SYNPR: variants seen among roughly 807,000 people sequenced by gnomAD.
SYNPR encodes the protein synaptoporin.
A neutral mutation model predicts 32.9 loss-of-function variants in SYNPR; 23 were observed. The observed-to-expected ratio is 0.70, with a 90% confidence interval of 0.50 to 0.99. The LOEUF is 0.99. Ranked by LOEUF, SYNPR falls within the 50% of genes least tolerant of loss-of-function variation. The pLI is 0.00. For synonymous variants in SYNPR, 146 were observed against 135.9 expected, an observed-to-expected ratio of 1.07 and a Z score of -0.52; for missense variants, 318 against 349.3, an observed-to-expected ratio of 0.91 and a Z score of 0.71.
chr3:63,240,471 TG>T (rs1160889391), intron 1 of SYNPR, among the ~76,000 whole-genome samples: 2 of 152,062 alleles, frequency 1.3e-5, no homozygotes, highest in Non-Finnish European at 2.9e-5. Flanking sequence ...GCTCTTGCTA[TG>T]GGGGCCTCCG....
chr3:63,610,170 A>G (rs1317666854), intron 5 of SYNPR, among the ~76,000 whole-genome samples: 1 of 152,216 alleles, frequency 6.6e-6, no homozygotes, highest in African/African-American at 2.4e-5. Context: ...ATAACTTCGG[A>G]AAAGCTGCAC....
At chr3:63,407,338 A>G (rs979401984) in intron 2 of SYNPR, among the ~76,000 whole-genome samples, 2 of 152,230 alleles carry the variant, frequency 1.3e-5, no homozygotes, top group Non-Finnish European at 2.9e-5. Context: ...GTGAAGGATT[A>G]CATGAGTTAT....
At chr3:63,459,562 T>G (rs1254947234) in intron 2 of SYNPR, among the ~76,000 whole-genome samples, 2 of 152,186 alleles carry the variant, frequency 1.3e-5, no homozygotes, top group Non-Finnish European at 2.9e-5. Context: ...CACATCTTCA[T>G]TTTAGATTAT....
chr3:63,302,720 C>G (rs996008537), intron 2 of SYNPR, among the ~76,000 whole-genome samples: 3 of 151,926 alleles, frequency 2.0e-5, no homozygotes, highest in African/African-American at 7.2e-5. Flanking sequence ...GTTTGTTTCT[C>G]TAAAAATAAT....
intron 2 of SYNPR, among the ~76,000 whole-genome samples, chr3:63,353,161 G>A (rs1348990868): frequency 2.0e-5 from 3 of 152,224 alleles, no homozygotes; most frequent in Non-Finnish European, 2.9e-5. Context: ...TTAACACAGA[G>A]TTGCTTGGCA....
chr3:63,344,682 G>A (rs2087414131), intron 2 of SYNPR, among the ~76,000 whole-genome samples: 2 of 151,574 alleles, frequency 1.3e-5, no homozygotes, highest in Admixed American at 6.6e-5. Context: ...CACAGATAGA[G>A]TCGATTCATT....
chr3:63,443,309 T>C (rs1700214983), intron 2 of SYNPR: 1 of 1,489,844 alleles, frequency 6.7e-7, no homozygotes, highest in Non-Finnish European at 8.9e-7. Flanking sequence ...CTGCATTGAT[T>C]TTCTTCTTCT....
chr3:63,451,930 T>A lies in SYNPR; in HGVS notation c.85-28902T>A, dbSNP rs1700386400. 9.0e-6 allele frequency: 5 copies of A among 557,674 alleles called. No individual in the cohort carries two copies. In the South Asian group the frequency reaches 1.3e-4, roughly 14 times the overall value. 34.5% of individuals were successfully genotyped at this position (557,674 alleles called of 1,614,324 possible). A position where few individuals can be genotyped will look rare whatever the true frequency, so the allele number is the denominator to read the frequency against. On this transcript the variant is annotated intron_variant, in intron 2 of 5. Coordinates refer to ENST00000478300, the MANE Select transcript of SYNPR (RefSeq NM_001130003.2). ...GCATTCCTCTCCCAGGCTCCTTCCC[T>A]CAGCTCACCTCTTCACTCTGAGTGG...
chr3:63,514,542 T>A (rs998404144), intron 3 of SYNPR, among the ~76,000 whole-genome samples: 3 of 152,172 alleles, frequency 2.0e-5, no homozygotes, highest in Non-Finnish European at 4.4e-5. Flanking sequence ...ACAGCTTGTC[T>A]CTTCATCCTT....
At chr3:63,367,342 A>ATTATTTATTTATTTATTTATTTAT (rs3081092) in intron 2 of SYNPR, among the ~76,000 whole-genome samples, 1 of 143,588 alleles carries the variant, frequency 7.0e-6, no homozygotes, top group African/African-American at 2.6e-5. Flanking sequence ...TCACTGTTGA[A>ATTATTTATTTATTTATTTATTTAT]TTATTTATTT....
At chr3:63,441,190 C>A (rs547870854) in intron 2 of SYNPR, among the ~76,000 whole-genome samples, 4 of 152,228 alleles carry the variant, frequency 2.6e-5, no homozygotes, top group African/African-American at 9.6e-5. Flanking sequence ...AATTGTAACT[C>A]GTAGTTTTGT....
rs1304084833 is a variant in SYNPR, at chr3:63,302,269, AG to A, written c.84+23529del. On this transcript the variant is annotated intron_variant, in intron 2 of 5. Transcript: ENST00000478300. Reference sequence around the variant, plus strand: ...GTGCCATTGTTTCCCGATATAAACTAGGCTTTACAGCAGGGATCCATTCCCA... The same window carrying A: ...GTGCCATTGTTTCCCGATATAAACTAGCTTTACAGCAGGGATCCATTCCCA... Among the ~76,000 whole-genome samples the A allele has an allele frequency of 3.3e-5, 5 of 152,186 alleles. No individual in the cohort carries two copies. The East Asian group carries it at 9.7e-4, about 29-fold the overall frequency.
chr3:63,499,075 G>GACC (rs1359758750), intron 3 of SYNPR, among the ~76,000 whole-genome samples: 1 of 151,902 alleles, frequency 6.6e-6, no homozygotes, highest in East Asian at 1.9e-4. Context: ...GCAGTGAGGA[G>GACC]ACCAGTTAAA....
chr3:63,201,879 C>A, the SYNPR span, among the ~76,000 whole-genome samples: 2 of 151,934 alleles, frequency 1.3e-5, no homozygotes, highest in East Asian at 1.9e-4. Context: ...TTACTATTTA[C>A]AAATTTACCC....
chr3:63,491,807 C>A (rs1701262808), intron 3 of SYNPR, among the ~76,000 whole-genome samples: 1 of 152,192 alleles, frequency 6.6e-6, no homozygotes, highest in Non-Finnish European at 1.5e-5. Context: ...AGGCATGAAC[C>A]ACCATGCCCG....
intron 3 of SYNPR, among the ~76,000 whole-genome samples, chr3:63,514,989 G>T (rs1179224115): frequency 6.6e-6 from 1 of 152,030 alleles, no homozygotes; most frequent in Non-Finnish European, 1.5e-5. Flanking sequence ...CAATGTTTAA[G>T]GCTTTTGGAA....
chr3:63,299,224 A>G (rs755051179), intron 2 of SYNPR, among the ~76,000 whole-genome samples: 3 of 152,150 alleles, frequency 2.0e-5, no homozygotes, highest in Non-Finnish European at 2.9e-5. Context: ...GTTAGGTTTC[A>G]TGAGGGATAG....
chr3:63,391,602 A>T (rs1171192373), intron 2 of SYNPR, among the ~76,000 whole-genome samples: 1 of 152,232 alleles, frequency 6.6e-6, no homozygotes, highest in Non-Finnish European at 1.5e-5. Flanking sequence ...CAATTGTCAT[A>T]GGTATGATAC....
At chr3:63,289,927 G>C (rs537323563) in intron 2 of SYNPR, among the ~76,000 whole-genome samples, 2 of 151,826 alleles carry the variant, frequency 1.3e-5, no homozygotes, top group Non-Finnish European at 2.9e-5. Context: ...TCAAGAGATC[G>C]AGACCATCCT....
Sources: allele counts gnomAD v4.1 joint callset (sites outside exome capture counted in the v4.1 genomes callset), GRCh38; gene constraint gnomAD v4.1.1; transcripts MANE v1.5; gene names NCBI Gene and HGNC (gene_info 2026-07-23, HGNC 2026-07-21).